Variants in CAP2 observed in about 807,000 individuals in gnomAD.
The protein encoded by CAP2 is cyclase associated actin cytoskeleton regulatory protein 2.
A neutral mutation model predicts 57.7 loss-of-function variants in CAP2; 24 were observed. That is an observed-to-expected ratio of 0.42 (90% CI 0.30 to 0.58). The LOEUF is 0.58. CAP2 is among the 20% of genes least tolerant of loss of function. The pLI, the probability that CAP2 is intolerant of heterozygous loss-of-function variation, is 0.22. For missense variants in CAP2, 501 were observed against 590.3 expected (o/e 0.85, Z 1.57); for synonymous variants, 194 against 207.2 (o/e 0.94, Z 0.55).
intron 7 of CAP2, among the ~76,000 whole-genome samples, chr6:17,538,376 C>A (rs9477476): frequency 0.26 from 39,059 of 151,342 alleles, 6,492 homozygotes; most frequent in African/African-American, 0.47. Context: ...GAATCGCTTG[C>A]GCCCAGGAGT....
At position 17,408,660 on chromosome 6, in the gene CAP2, CTTTTTTTTTTT is replaced by C. The variant is rs35571407; in HGVS notation, c.-1-12886_-1-12876del. On this transcript the variant is annotated intron_variant, in intron 1 of 12. Transcript: ENST00000229922. Reference sequence around the variant, plus strand: ...ACTGACTATATGAAATGATAGCCTCCTTTTTTTTTTTTTTTTTTTGAGACGGAGTCTCACTC... The same window carrying C: ...ACTGACTATATGAAATGATAGCCTCCTTTTTTTTGAGACGGAGTCTCACTC... Among the ~76,000 whole-genome samples the C allele has an allele frequency of 4.8e-4, 58 of 120,442 alleles. 1 individual carries two copies. Among genetic ancestry groups the C allele is most frequent in the African/African-American group, 1.9e-3 (56 of 29,464 alleles). 79.0% of individuals were successfully genotyped at this position (120,442 alleles called of 152,430 possible).
At chr6:17,520,991 T>C (rs1382675400) in intron 7 of CAP2, among the ~76,000 whole-genome samples, 1 of 152,236 alleles carries the variant, frequency 6.6e-6, no homozygotes, top group Non-Finnish European at 1.5e-5. Context: ...CCCTGGCCAG[T>C]GTACCTGACC....
intron 3 of CAP2, among the ~76,000 whole-genome samples, chr6:17,446,241 T>C (rs1760254015): frequency 6.6e-6 from 1 of 152,186 alleles, no homozygotes; most frequent in Non-Finnish European, 1.5e-5. Context: ...AAATGAAAAA[T>C]AGTCATCTGT....
intron 1 of CAP2, among the ~76,000 whole-genome samples, chr6:17,407,137 CT>C (rs1049946872): frequency 9.2e-5 from 14 of 152,168 alleles, no homozygotes; most frequent in African/African-American, 3.4e-4. Flanking sequence ...CTTTTTGAAG[CT>C]TTCTCTTGTT....
In CAP2 at chr6:17,537,400, C is replaced by T. The variant is rs1581605200; in HGVS notation, c.637-1869C>T. On this transcript the variant is annotated intron_variant, in intron 7 of 12. Transcript: ENST00000229922. ...ACAGGGTCTCACTTTGTTGCCCAGG[C>T]TGGTTTCAAACTCCTGGCTCAAGTG... Among the ~76,000 whole-genome samples the T allele has an allele frequency of 2.0e-5, 3 of 152,100 alleles. No individual in the cohort carries two copies. The South Asian group carries it at 6.2e-4, about 32-fold the overall frequency.
chr6:17,472,583 A>G (rs1273734201), intron 4 of CAP2, among the ~76,000 whole-genome samples: 1 of 152,230 alleles, frequency 6.6e-6, no homozygotes, highest in Non-Finnish European at 1.5e-5. Flanking sequence ...AGGCAAAAAG[A>G]AGGCTTTTTT....
chr6:17,516,583 GC>G (rs1211923871), intron 7 of CAP2, among the ~76,000 whole-genome samples: 2 of 152,068 alleles, frequency 1.3e-5, no homozygotes, highest in East Asian at 3.9e-4. Context: ...GTAACCAAAC[GC>G]CATCTCTTCA....
At chr6:17,405,976 A>C (rs1758954746) in intron 1 of CAP2, among the ~76,000 whole-genome samples, 1 of 152,074 alleles carries the variant, frequency 6.6e-6, no homozygotes, top group Non-Finnish European at 1.5e-5. Flanking sequence ...CCTGGGCTCA[A>C]GCGATCTCCC....
At chr6:17,457,369 T>C (rs770540848) in intron 3 of CAP2, among the ~76,000 whole-genome samples, 22 of 152,184 alleles carry the variant, frequency 1.4e-4, no homozygotes, top group Non-Finnish European at 2.5e-4. Context: ...AGCCAAATTC[T>C]CCCTTTGAAG....
intron 7 of CAP2, 142 bp downstream of exon 7, chr6:17,514,096 G>T: frequency 1.6e-6 from 1 of 632,382 alleles, no homozygotes; most frequent in Non-Finnish European, 2.8e-6. Flanking sequence ...AGGCGCGGTG[G>T]CTCACGCCTG....
chr6:17,431,497 A>G (rs759556568), intron 3 of CAP2, among the ~76,000 whole-genome samples: 2 of 152,208 alleles, frequency 1.3e-5, no homozygotes, highest in Non-Finnish European at 2.9e-5. Flanking sequence ...GAACATGATC[A>G]GAAAATTATT....
chr6:17,520,349 A>G (rs1762362574), intron 7 of CAP2, among the ~76,000 whole-genome samples: 1 of 152,130 alleles, frequency 6.6e-6, no homozygotes, highest in Admixed American at 6.6e-5. Flanking sequence ...GGCTCAAGTG[A>G]TCCGCCTGCC....
At chr6:17,542,025 C>CCCA (rs1311411557) in intron 9 of CAP2, among the ~76,000 whole-genome samples, 1 of 152,196 alleles carries the variant, frequency 6.6e-6, no homozygotes, top group African/African-American at 2.4e-5. Flanking sequence ...ATCACCACCA[C>CCCA]CCACTACAGA....
intron 3 of CAP2, among the ~76,000 whole-genome samples, chr6:17,446,504 C>T (rs1760261792): frequency 6.6e-6 from 1 of 152,176 alleles, no homozygotes; most frequent in South Asian, 2.1e-4. Flanking sequence ...CTGAGGATAA[C>T]CGAGTAGGAA....
chr6:17,412,436 AGTCT>A (rs1290565688), intron 1 of CAP2, among the ~76,000 whole-genome samples: 1 of 152,242 alleles, frequency 6.6e-6, no homozygotes. Context: ...CAGATTAAGT[AGTCT>A]GTCTACTAGA....
At chr6:17,493,045 T>A (rs1761581798) in intron 4 of CAP2, among the ~76,000 whole-genome samples, 1 of 152,238 alleles carries the variant, frequency 6.6e-6, no homozygotes, top group Non-Finnish European at 1.5e-5. Context: ...TCTGATCATT[T>A]TCTTCACGTG....
At chr6:17,462,709 A>G (rs1350768220) in intron 3 of CAP2, among the ~76,000 whole-genome samples, 5 of 152,192 alleles carry the variant, frequency 3.3e-5, no homozygotes, top group Admixed American at 2.6e-4. Context: ...AGGGTCACCT[A>G]TGTCGTAGCA....
chr6:17,485,871 G>T (rs968345991), intron 4 of CAP2, among the ~76,000 whole-genome samples: 1 of 152,182 alleles, frequency 6.6e-6, no homozygotes, highest in African/African-American at 2.4e-5. Flanking sequence ...AGGCTTCTGA[G>T]GATGAGGAGG....
intron 7 of CAP2, among the ~76,000 whole-genome samples, chr6:17,529,651 A>AAAAAATATATATAT (rs10656588): frequency 2.2e-5 from 3 of 134,536 alleles, no homozygotes; most frequent in Non-Finnish European, 3.1e-5. Context: ...AAAAAAAAAA[A>AAAAAATATATATAT]ATATATATAT....
Sources: allele counts gnomAD v4.1 joint callset (sites outside exome capture counted in the v4.1 genomes callset), GRCh38; gene constraint gnomAD v4.1.1; transcripts MANE v1.5; gene names NCBI Gene and HGNC (gene_info 2026-07-23, HGNC 2026-07-21).